Variants in PDE3B observed in about 807,000 individuals in gnomAD.
PDE3B encodes cGMP-inhibited 3',5'-cyclic phosphodiesterase 3B.
PDE3B carries 66 observed loss-of-function variants against 116.8 expected under a neutral mutation model. The ratio of observed to expected loss-of-function variants is 0.56; its 90% CI spans 0.46 to 0.69. The LOEUF is 0.69. Among genes scored for constraint, PDE3B ranks in the 30% least tolerant of loss-of-function variants. The pLI is 0.00. For synonymous variants in PDE3B, 595 were observed against 533.6 expected (o/e 1.12, Z -1.59); for missense variants, 1,384 against 1,368.1 (o/e 1.01, Z -0.18).
intron 14 of PDE3B, among the ~76,000 whole-genome samples, chr11:14,864,223 G>A (rs1416306716): frequency 6.6e-6 from 1 of 152,114 alleles, no homozygotes; most frequent in African/African-American, 2.4e-5. Context: ...ATTAAATAAT[G>A]GTAAAGAGAT....
At chr11:14,784,165 C>T (rs961661524) in intron 2 of PDE3B, among the ~76,000 whole-genome samples, 1 of 152,186 alleles carries the variant, frequency 6.6e-6, no homozygotes, top group Non-Finnish European at 1.5e-5. Context: ...TCCACGAAAC[C>T]TGTCCCTGAT....
At chr11:14,743,973 T>G (rs1856839880) in intron 1 of PDE3B, among the ~76,000 whole-genome samples, 1 of 152,226 alleles carries the variant, frequency 6.6e-6, no homozygotes, top group African/African-American at 2.4e-5. Flanking sequence ...CATTGATCTC[T>G]CTGGGAGCTG....
intron 1 of PDE3B, among the ~76,000 whole-genome samples, chr11:14,689,957 G>T (rs144731648): frequency 1.3e-5 from 2 of 152,278 alleles, no homozygotes; most frequent in Admixed American, 6.5e-5. Context: ...CTAAGGGGAA[G>T]TTGAATAGGA....
downstream of PDE3B, among the ~76,000 whole-genome samples, chr11:14,873,691 G>A (rs1433544663): frequency 6.6e-6 from 1 of 152,134 alleles, no homozygotes; most frequent in East Asian, 1.9e-4. Context: ...AAAGTGATAG[G>A]GGCTACAAGT....
In PDE3B at chr11:14,663,112, A is replaced by G. The variant is rs901551169; in HGVS notation, c.978+18059A>G. ...CCATCAGACTAACAGCGGATCTCTC[A>G]GCAGAAACTCTACAAGCCAGAAGAG... On this transcript the variant is annotated intron_variant, in intron 1 of 15. Coordinates refer to ENST00000282096, the MANE Select transcript of PDE3B (RefSeq NM_000922.4). Among the ~76,000 whole-genome samples the G allele has an allele frequency of 2.8e-4, 43 of 152,266 alleles. No individual in the cohort carries two copies. In the South Asian group the frequency reaches 7.1e-3, roughly 25 times the overall value.
the PDE3B span, chr11:14,891,673 G>C: frequency 8.6e-7 from 1 of 1,164,832 alleles, no homozygotes; most frequent in Admixed American, 4.7e-5. Context: ...GGCGCGGCTG[G>C]CGAGCCAAAC....
chr11:14,702,042 G>T (rs892760403), intron 1 of PDE3B, among the ~76,000 whole-genome samples: 3 of 150,434 alleles, frequency 2.0e-5, no homozygotes, highest in African/African-American at 7.3e-5. Context: ...TGGGCTTCCT[G>T]TTAGTTGAAA....
intron 1 of PDE3B, among the ~76,000 whole-genome samples, chr11:14,696,029 T>C (rs1170284904): frequency 6.6e-6 from 1 of 152,160 alleles, no homozygotes; most frequent in Non-Finnish European, 1.5e-5. Flanking sequence ...TACTAAGTAA[T>C]GGGATTGCTG....
chr11:14,731,255 A>AT (rs778089171), intron 1 of PDE3B, among the ~76,000 whole-genome samples: 2,402 of 121,094 alleles, frequency 0.02, 40 homozygotes, highest in East Asian at 0.039. Context: ...TTTTACTTTG[A>AT]TTTTTTTTTT....
intron 5 of PDE3B, among the ~76,000 whole-genome samples, chr11:14,816,979 C>T (rs1289591321): frequency 6.6e-6 from 1 of 152,202 alleles, no homozygotes; most frequent in Non-Finnish European, 1.5e-5. Context: ...TGTAAAGACA[C>T]ATGCACACCT....
At chr11:14,771,284 ATC>A (rs1565129292) in intron 1 of PDE3B, among the ~76,000 whole-genome samples, 1 of 151,716 alleles carries the variant, frequency 6.6e-6, no homozygotes, top group African/African-American at 2.4e-5. Flanking sequence ...AGTTAATTTT[ATC>A]TCCTTGGGCA....
At chr11:14,667,546 G>A (rs2133774515) in intron 1 of PDE3B, among the ~76,000 whole-genome samples, 1 of 151,762 alleles carries the variant, frequency 6.6e-6, no homozygotes, top group South Asian at 2.1e-4. Context: ...TAGGGACATG[G>A]ATGAAGCTGG....
At chr11:14,889,725 A>G in the PDE3B span, among the ~76,000 whole-genome samples, 10 of 152,232 alleles carry the variant, frequency 6.6e-5, no homozygotes, top group Admixed American at 6.5e-4. Context: ...CAGTTCAAAT[A>G]TTTATATAAG....
chr11:14,672,466 A>G (rs1052167268), intron 1 of PDE3B, among the ~76,000 whole-genome samples: 1 of 152,210 alleles, frequency 6.6e-6, no homozygotes, highest in South Asian at 2.1e-4. Flanking sequence ...GGGGTGAAAC[A>G]CAAATCAGAA....
chr11:14,740,906 C>T (rs541214857), intron 1 of PDE3B, among the ~76,000 whole-genome samples: 20 of 152,152 alleles, frequency 1.3e-4, no homozygotes, highest in East Asian at 1.2e-3. Context: ...TGTAGTTGTG[C>T]GGTTTTGAGT....
intron 14 of PDE3B, among the ~76,000 whole-genome samples, chr11:14,866,490 TTA>T (rs1491220148): frequency 6.6e-6 from 1 of 152,222 alleles, no homozygotes; most frequent in South Asian, 2.1e-4. Flanking sequence ...AACTCCTGGG[TTA>T]TATCTGTGAA....
At position 14,832,743 on chromosome 11, in the gene PDE3B, G is replaced by A; in HGVS notation, c.2116G>A (p.Asp706Asn). ...LSQVMYTLFQDTGLLEIFKIP... is the reference protein window; with the variant it reads ...LSQVMYTLFQNTGLLEIFKIP... The stretch of plus-strand genomic sequence containing the variant: ...TTAGGTTATGTATACCTTATTTCAA[G>A]ACACTGGTTTATTGGAAATATTTAA... Residue 706 changes from aspartate (D) to asparagine (N), a missense_variant, in exon 10 of 16, where the codon GAC becomes AAC. Asp to Asn is a conservative substitution (Grantham distance 23, BLOSUM62 1). This residue lies in a region of PDE3B where 428 missense variants were observed against 561.4 expected (regional missense o/e 0.76). Coordinates refer to ENST00000282096, the MANE Select transcript of PDE3B (RefSeq NM_000922.4). The A allele has an allele frequency of 4.2e-6, 6 of 1,424,690 alleles. No homozygotes were observed. Among genetic ancestry groups the A allele is most frequent in the Non-Finnish European group, 5.9e-6 (6 of 1,023,342 alleles). The allele number at this position is 1,424,690 out of a possible 1,614,324, so 88.3% of individuals were successfully genotyped here. A position where few individuals can be genotyped will look rare whatever the true frequency, so the allele number is the denominator to read the frequency against.
At chr11:14,848,817 C>A (rs956820894) in intron 12 of PDE3B, among the ~76,000 whole-genome samples, 7 of 152,110 alleles carry the variant, frequency 4.6e-5, no homozygotes, top group African/African-American at 1.7e-4. Flanking sequence ...GAACTACAAA[C>A]CACTGCTCAA....
intron 1 of PDE3B, among the ~76,000 whole-genome samples, chr11:14,645,640 A>C (rs16930417): frequency 0.021 from 3,176 of 152,332 alleles, 114 homozygotes; most frequent in African/African-American, 0.073. Flanking sequence ...AATATTTTAC[A>C]GATTAATTCA....
Sources: gnomAD v4.1 joint callset for allele counts (sites outside exome capture counted in the v4.1 genomes callset) on GRCh38, gnomAD v4.1.1 for gene constraint, gnomAD v4.1.1 regional missense constraint, MANE v1.5 for transcripts, NCBI Gene and HGNC (gene_info 2026-07-23, HGNC 2026-07-21) for gene names.